The following GALNTL6 variants were observed in gnomAD, a reference collection of about 807,000 sequenced individuals.
The protein encoded by GALNTL6 is polypeptide N-acetylgalactosaminyltransferase-like 6.
Under a neutral mutation model 73.7 loss-of-function variants are expected in GALNTL6, and 46 were observed. That is an observed-to-expected ratio of 0.62 (90% CI 0.49 to 0.80). GALNTL6 has a LOEUF of 0.80. Ranked by LOEUF, GALNTL6 falls within the 30% of genes least tolerant of loss-of-function variation. GALNTL6 has a pLI of 0.00. For synonymous variants in GALNTL6, 259 were observed against 263.7 expected (o/e 0.98, Z 0.17); for missense variants, 604 against 755.0 (o/e 0.80, Z 2.34).
intron 2 of GALNTL6, among the ~76,000 whole-genome samples, chr4:172,120,140 T>C (rs1733108088): frequency 6.6e-6 from 1 of 152,228 alleles, no homozygotes; most frequent in Non-Finnish European, 1.5e-5. Context: ...GTGTAAGTCA[T>C]AATAGAGCCA....
intron 3 of GALNTL6, among the ~76,000 whole-genome samples, chr4:172,240,384 C>T (rs781202493): frequency 2.7e-5 from 4 of 150,574 alleles, no homozygotes; most frequent in Admixed American, 6.6e-5. Context: ...CCATCATGCC[C>T]GGCTAATTTT....
At chr4:172,311,797 T>C (rs1470282960) in intron 4 of GALNTL6, 45 bp downstream of exon 4, 9 of 1,373,276 alleles carry the variant, frequency 6.6e-6, no homozygotes, top group Non-Finnish European at 7.7e-6. Flanking sequence ...TTTTTGGTTT[T>C]TTTTGTCCTT....
intron 5 of GALNTL6, among the ~76,000 whole-genome samples, chr4:172,578,304 A>G (rs764816366): frequency 6.6e-6 from 1 of 152,224 alleles, no homozygotes; most frequent in Non-Finnish European, 1.5e-5. Context: ...CTGTATTTCA[A>G]ATCTGCCACA....
At chr4:172,386,671 A>G (rs757168576) in intron 5 of GALNTL6, among the ~76,000 whole-genome samples, 4 of 152,150 alleles carry the variant, frequency 2.6e-5, no homozygotes, top group Non-Finnish European at 5.9e-5. Flanking sequence ...GGAGTAACTC[A>G]ACTGCTGGTT....
Position 171,988,560 on chromosome 4 carries a change from A to T in GALNTL6, c.138+173842A>T, listed in dbSNP as rs553773031. Among the ~76,000 whole-genome samples the T allele has an allele frequency of 1.6e-4, 25 of 152,262 alleles. No individual in the cohort carries two copies. The East Asian group carries it at 1.7e-3, about 11-fold the overall frequency. The stretch of plus-strand genomic sequence containing the variant: ...GATTGTGGAGGGAGGTATTGAGGAT[A>T]GGAGAGTATATGGGTTTGGCACCAC... On this transcript the variant is annotated intron_variant, in intron 2 of 12. Coordinates refer to ENST00000506823, the MANE Select transcript of GALNTL6 (RefSeq NM_001034845.3).
intron 5 of GALNTL6, among the ~76,000 whole-genome samples, chr4:172,764,215 C>A (rs758807387): frequency 1.3e-5 from 2 of 152,210 alleles, no homozygotes; most frequent in Non-Finnish European, 2.9e-5. Flanking sequence ...GCCTTCGTCT[C>A]CCAAAGTGCT....
intron 2 of GALNTL6, among the ~76,000 whole-genome samples, chr4:171,892,624 T>TCAC (rs1188086756): frequency 1.8e-4 from 28 of 152,174 alleles, no homozygotes; most frequent in African/African-American, 6.5e-4. Flanking sequence ...TGCAGTGGTG[T>TCAC]GATCACAGCT....
intron 9 of GALNTL6, among the ~76,000 whole-genome samples, chr4:172,944,568 A>T (rs922063737): frequency 1.3e-5 from 2 of 152,238 alleles, no homozygotes; most frequent in African/African-American, 4.8e-5. Flanking sequence ...AAAGTTAGAC[A>T]CATACCTAGA....
At chr4:172,094,054 G>C (rs1732282316) in intron 2 of GALNTL6, among the ~76,000 whole-genome samples, 1 of 152,176 alleles carries the variant, frequency 6.6e-6, no homozygotes, top group Non-Finnish European at 1.5e-5. Flanking sequence ...AAAGGTTGGG[G>C]ACCGCTGACA....
intron 9 of GALNTL6, among the ~76,000 whole-genome samples, chr4:172,950,688 G>C (rs1561051545): frequency 6.6e-6 from 1 of 152,144 alleles, no homozygotes; most frequent in African/African-American, 2.4e-5. Context: ...GCCTGAATTA[G>C]GATTTTGTAG....
chr4:172,756,483 A>C (rs1230518712), intron 5 of GALNTL6, among the ~76,000 whole-genome samples: 1 of 152,096 alleles, frequency 6.6e-6, no homozygotes, highest in East Asian at 1.9e-4. Flanking sequence ...ATCTCTACCA[A>C]AAATACAAAA....
intron 2 of GALNTL6, among the ~76,000 whole-genome samples, chr4:172,005,226 G>A (rs1485948213): frequency 6.6e-6 from 1 of 152,038 alleles, no homozygotes; most frequent in African/African-American, 2.4e-5. Flanking sequence ...CCTGGCTCAG[G>A]TGATGCTCCC....
At chr4:172,572,246 C>A (rs1051780309) in intron 5 of GALNTL6, among the ~76,000 whole-genome samples, 1 of 152,150 alleles carries the variant, frequency 6.6e-6, no homozygotes, top group African/African-American at 2.4e-5. Flanking sequence ...CCCATACTGC[C>A]TTCCAAGTGT....
chr4:172,188,086 G>T (rs1407082432), intron 2 of GALNTL6, among the ~76,000 whole-genome samples: 1 of 152,208 alleles, frequency 6.6e-6, no homozygotes, highest in Non-Finnish European at 1.5e-5. Context: ...AGTAGTGACT[G>T]CTGAGGCTGA....
intron 7 of GALNTL6, among the ~76,000 whole-genome samples, chr4:172,849,797 C>T (rs894732796): frequency 3.9e-5 from 6 of 152,150 alleles, no homozygotes; most frequent in African/African-American, 1.4e-4. Context: ...TTTGATTTGT[C>T]GTGCTGACAA....
chr4:172,697,118 C>G (rs1241377209), intron 5 of GALNTL6, among the ~76,000 whole-genome samples: 1 of 152,068 alleles, frequency 6.6e-6, no homozygotes, highest in Non-Finnish European at 1.5e-5. Context: ...AAGTGAGTAT[C>G]AGTGAAATTA....
At chr4:172,593,022 G>T (rs190577203) in intron 5 of GALNTL6, among the ~76,000 whole-genome samples, 1 of 152,038 alleles carries the variant, frequency 6.6e-6, no homozygotes, top group East Asian at 1.9e-4. Flanking sequence ...CTCATTAAGT[G>T]CTTCCCCCGG....
At chr4:172,663,018 C>G (rs535468998) in intron 5 of GALNTL6, among the ~76,000 whole-genome samples, 1 of 152,134 alleles carries the variant, frequency 6.6e-6, no homozygotes, top group Admixed American at 6.5e-5. Flanking sequence ...TACAATGGCC[C>G]GGAGACAAGA....
At position 172,672,509 on chromosome 4, in the gene GALNTL6, T is replaced by A. The variant is rs1732045023; in HGVS notation, c.554-136852T>A. Among the ~76,000 whole-genome samples the A allele has an allele frequency of 2.0e-5, 3 of 152,354 alleles. No homozygotes were observed. In the South Asian group the frequency reaches 6.2e-4, roughly 32 times the overall value. ...GTTGTATCATGGCCAAGTTTTGCTA[T>A]CAGCATGATGCTGGCCTCATAGAAT... is the stretch of plus-strand genomic sequence containing the variant. On this transcript the variant is annotated intron_variant, in intron 5 of 12. Transcript: ENST00000506823.
Sources: allele counts gnomAD v4.1 joint callset (sites outside exome capture counted in the v4.1 genomes callset), GRCh38; gene constraint gnomAD v4.1.1; transcripts MANE v1.5; gene names NCBI Gene and HGNC (gene_info 2026-07-23, HGNC 2026-07-21).